MTMR4: variants seen among roughly 807,000 people sequenced by gnomAD.
The protein encoded by MTMR4 is myotubularin related protein 4.
MTMR4 carries 30 observed loss-of-function variants against 125.5 expected under a neutral mutation model. That is an observed-to-expected ratio of 0.24 (90% CI 0.18 to 0.32). The LOEUF (loss-of-function observed/expected upper bound fraction) is 0.32. MTMR4 is among the 10% of genes least tolerant of loss of function. The pLI, the probability that MTMR4 is intolerant of heterozygous loss-of-function variation, is 1.00. For synonymous variants in MTMR4, 498 were observed against 564.5 expected (o/e 0.88, Z 1.67); for missense variants, 1,039 against 1,511.5 (o/e 0.69, Z 5.18).
At position 58,495,822 on chromosome 17, in the gene MTMR4, C is replaced by T; in HGVS notation, c.2362G>A (p.Gly788Arg). Residue 788 changes from glycine to arginine, a missense_variant, in exon 15 of 18, where the codon GGA (glycine) becomes AGA (arginine). By Grantham distance (125) the Gly-to-Arg change is moderately radical. This residue lies in a region of MTMR4 where 619 missense variants were observed against 714.5 expected (regional missense o/e 0.87). Coordinates refer to ENST00000682306, the MANE Select transcript of MTMR4 (RefSeq NM_001378067.1). The part of the protein sequence containing the change: ...LSKVISNKCD[G>R]VCNFPESSQN... ...GAAGACTCAGGAAAATTACAAACTC[C>T]ATCACACTTGTTAGAAATGACCTTG... 6.2e-7 allele frequency: 1 copy of T among 1,614,166 alleles called. No individual in the cohort carries two copies.
intron 15 of MTMR4, among the ~76,000 whole-genome samples, chr17:58,494,320 CA>C (rs59888430): frequency 0.015 from 1,372 of 88,932 alleles, 12 homozygotes; most frequent in African/African-American, 0.056. Flanking sequence ...GACTCCGTCT[CA>C]AAAAAAAAAA....
chr17:58,492,770 T>C, intron 16 of MTMR4, 72 bp downstream of exon 16: 1 of 1,437,228 alleles, frequency 7.0e-7, no homozygotes, highest in South Asian at 1.1e-5. Flanking sequence ...CTACAGCATG[T>C]CATTCATCTC....
chr17:58,495,404 A>G lies in MTMR4; in HGVS notation c.2780T>C (p.Met927Thr). ...LGSNWDSFQG[M>T]VTSFPSGEAT... is the part of the protein sequence containing the mutation. ...CTCCCCACTTGGGAATGAAGTCACC[A>G]TCCCTTGGAAGCTGTCCCAGTTGGA... Residue 927 changes from methionine (M) to threonine (T), a missense_variant, in exon 15 of 18, where the codon ATG becomes ACG. By Grantham distance (81) the Met-to-Thr change is moderately conservative (BLOSUM62 -1). This residue lies in a region of MTMR4 where 619 missense variants were observed against 714.5 expected (regional missense o/e 0.87). Coordinates refer to ENST00000682306, the MANE Select transcript of MTMR4 (RefSeq NM_001378067.1). The G allele has an allele frequency of 6.2e-7, 1 of 1,614,248 alleles. No homozygotes were observed. Among genetic ancestry groups the G allele is most frequent in the Non-Finnish European group, 8.5e-7 (1 of 1,180,048 alleles).
intron 16 of MTMR4, 97 bp downstream of exon 16, chr17:58,492,744 TG>T (rs1975346839): frequency 1.5e-6 from 2 of 1,353,604 alleles, no homozygotes; most frequent in Admixed American, 1.7e-5. Context: ...GACACTCCTC[TG>T]GGGGACAGCT....
At position 58,504,546 on chromosome 17, in the gene MTMR4, TC is replaced by T; in HGVS notation, c.1342-59del. 6.4e-7 allele frequency: 1 copy of T among 1,568,858 alleles called. No individual in the cohort carries two copies. The highest frequency in any genetic ancestry group is 8.7e-7 in the Non-Finnish European group (1 of 1,154,296). ...CTCTCTGGAAATGCTGATGTGCTAC[TC>T]CCCTGGGAACTGCCCAAAGCAGGAA... On this transcript the variant is annotated intron_variant, in intron 11 of 17. Transcript: ENST00000682306. The surrounding 1 kb of genome is among the most constrained non-coding windows in gnomAD (Gnocchi z 7.1).
chr17:58,517,145 TC>T (rs1244018491), upstream of MTMR4, among the ~76,000 whole-genome samples: 7 of 152,182 alleles, frequency 4.6e-5, no homozygotes, highest in Non-Finnish European at 1.5e-5. Context: ...CAACCTGTGA[TC>T]AGAGGGCAGC....
At position 58,512,348 on chromosome 17, in the gene MTMR4, G is replaced by A. The variant is rs543052639; in HGVS notation, c.252+42C>T. ...GAACAATCCCACCTTGAACTTCATAGGGATTCTAGCTTAGGGGTAGGAGAA... is the reference window on the plus strand; with the variant it reads ...GAACAATCCCACCTTGAACTTCATAAGGATTCTAGCTTAGGGGTAGGAGAA... On this transcript the variant is annotated intron_variant, in intron 3 of 17. Coordinates refer to ENST00000682306, the MANE Select transcript of MTMR4 (RefSeq NM_001378067.1). The surrounding 1 kb of genome is among the most constrained non-coding windows in gnomAD (Gnocchi z 4.1). The A allele has an allele frequency of 7.3e-6, 11 of 1,499,102 alleles. No homozygotes were observed. In the South Asian group the frequency reaches 1.1e-4, roughly 15 times the overall value. 92.9% of individuals were successfully genotyped at this position (1,499,102 alleles called of 1,614,324 possible).
chr17:58,492,640 C>G, intron 16 of MTMR4, 41 bp from the exon 17 acceptor site: 1 of 1,584,198 alleles, frequency 6.3e-7, no homozygotes, highest in South Asian at 1.1e-5. Context: ...TCCTTGTTGA[C>G]AGACTGGAAG....
chr17:58,492,444 C>T, intron 17 of MTMR4, 67 bp downstream of exon 17: 2 of 1,405,052 alleles, frequency 1.4e-6, no homozygotes, highest in South Asian at 1.2e-5. Flanking sequence ...GTTGGCATTA[C>T]AGGTGTGAGC....
At chr17:58,510,099 AT>A (rs1226358408) in intron 4 of MTMR4, among the ~76,000 whole-genome samples, 1 of 152,090 alleles carries the variant, frequency 6.6e-6, no homozygotes, top group African/African-American at 2.4e-5. Flanking sequence ...TCTTGCCCCC[AT>A]TCTCTTTCAT....
In MTMR4 at chr17:58,492,971, C is replaced by A. The variant is rs1975354952; in HGVS notation, c.3253-19G>T. 2 of 1,591,390 alleles carry A rather than the reference C, an allele frequency of 1.3e-6. No individual in the cohort carries two copies. Among genetic ancestry groups the A allele is most frequent in the Admixed American group, 1.7e-5 (1 of 59,980 alleles). ...AACATGTCTGATGAAAAGGCAAAGA[C>A]AACAAATTATCTTCATCATCATTAA... On this transcript the variant is annotated intron_variant, in intron 15 of 17. Transcript: ENST00000682306.
At chr17:58,514,646 C>T, upstream of MTMR4, 1 of 985,210 alleles carries the variant, frequency 1.0e-6, no homozygotes, top group Non-Finnish European at 1.2e-6. Flanking sequence ...GGGAGCCAGG[C>T]GAGGGGAGAG....
At chr17:58,496,544 C>T (rs970406106) in intron 14 of MTMR4, among the ~76,000 whole-genome samples, 3 of 152,170 alleles carry the variant, frequency 2.0e-5, no homozygotes, top group African/African-American at 7.2e-5. Flanking sequence ...TGGACCGTGT[C>T]CTCCGGAACC....
Position 58,508,749 on chromosome 17 carries a change from G to A in MTMR4, c.428C>T (p.Ala143Val). 6.2e-7 allele frequency: 1 copy of A among 1,614,222 alleles called. No homozygotes were observed. Among genetic ancestry groups the A allele is most frequent in the Non-Finnish European group, 8.5e-7 (1 of 1,180,040 alleles). ...ARPAKPEDLF[A>V]FAYHAWCLGL... ...CAGGCACCAGGCATGGTAGGCAAAG[G>A]CAAAGAGGTCTTCAGGCTTGGCAGG... The change falls in exon 5 of 18, where the codon GCC (alanine) becomes GTC (valine). Residue 143 changes from alanine (A) to valine (V), a missense_variant. By Grantham distance (64) the Ala-to-Val change is moderately conservative. Transcript: ENST00000682306. The surrounding 1 kb of genome is among the most constrained non-coding windows in gnomAD (Gnocchi z 4.8).
At chr17:58,509,888 A>G (rs562537983) in intron 4 of MTMR4, among the ~76,000 whole-genome samples, 10 of 152,306 alleles carry the variant, frequency 6.6e-5, no homozygotes, top group Middle Eastern at 3.4e-3. Flanking sequence ...TATCCTTTTA[A>G]TAAACCTTGG....
chr17:58,511,381 G>A (rs892652662), intron 4 of MTMR4, 48 bp downstream of exon 4: 6 of 1,508,946 alleles, frequency 4.0e-6, no homozygotes, highest in African/African-American at 1.4e-5. Context: ...ACAGAGAACT[G>A]GACAAGACTA....
intron 14 of MTMR4, among the ~76,000 whole-genome samples, chr17:58,502,471 T>C (rs951878906): frequency 1.3e-5 from 2 of 151,722 alleles, no homozygotes; most frequent in African/African-American, 4.8e-5. Flanking sequence ...AATTTACAAA[T>C]TTTTAAAAAG....
intron 17 of MTMR4, 131 bp from the exon 18 acceptor site, chr17:58,491,971 G>C: frequency 1.6e-6 from 1 of 625,460 alleles, no homozygotes; most frequent in Admixed American, 3.4e-5. Context: ...AGGAGTTTGA[G>C]ACTTGCCTGA....
rs948615727 is a variant in MTMR4, at chr17:58,496,130, C to T, written c.2054G>A (p.Gly685Glu). 1.9e-6 allele frequency: 3 copies of T among 1,614,040 alleles called. No individual in the cohort carries two copies. The African/African-American group carries it at 4.0e-5, about 22-fold the overall frequency. ...SGVGGPQQTV[G>E]EVGLPPPLPS... Reference sequence around the variant, plus strand: ...CAGAGGAGGAGGAAGACCCACTTCTCCTACAGTTTGCTGAGGCCCTCCTAC... The same window carrying T: ...CAGAGGAGGAGGAAGACCCACTTCTTCTACAGTTTGCTGAGGCCCTCCTAC... Residue 685 changes from glycine to glutamate, a missense_variant, in exon 15 of 18, where the codon GGA (glycine) becomes GAA (glutamate). Transcript: ENST00000682306.
Sources: gnomAD v4.1 joint callset for allele counts (sites outside exome capture counted in the v4.1 genomes callset) on GRCh38, gnomAD v4.1.1 for gene constraint, gnomAD v4.1.1 regional missense constraint, Gnocchi (gnomAD v3.1) non-coding constraint, MANE v1.5 for transcripts, NCBI Gene and HGNC (gene_info 2026-07-23, HGNC 2026-07-21) for gene names.